Variants in HTR6 observed in about 807,000 individuals in gnomAD.
The protein encoded by HTR6 is 5-hydroxytryptamine receptor 6, also known as 5-hydroxytryptamine (serotonin) receptor 6, G protein-coupled.
Under a neutral mutation model 17.4 loss-of-function variants are expected in HTR6, and 15 were observed. The ratio of observed to expected loss-of-function variants is 0.86; its 90% CI spans 0.58 to 1.33. The LOEUF (loss-of-function observed/expected upper bound fraction) is 1.33. HTR6 is among the 40% of genes most tolerant of loss of function. The pLI is 0.00. For missense variants in HTR6, 578 were observed against 616.0 expected, an observed-to-expected ratio of 0.94 and a Z score of 0.65; for synonymous variants, 326 against 295.5, an observed-to-expected ratio of 1.10 and a Z score of -1.06.
Position 19,678,922 on chromosome 1 carries a change from G to C in HTR6, c.877G>C (p.Val293Leu). 1 of 1,597,966 alleles carries C rather than the reference G, an allele frequency of 6.3e-7. No homozygotes were observed. Among genetic ancestry groups the C allele is most frequent in the Non-Finnish European group, 8.6e-7 (1 of 1,168,662 alleles). ...PFFVANIVQA[V>L]CDCISPGLFD... ...ATGATGCATCCCCTCCCCCCAGGCCGTGTGCGACTGCATCTCCCCAGGCCT... is the reference window on the plus strand; with the variant it reads ...ATGATGCATCCCCTCCCCCCAGGCCCTGTGCGACTGCATCTCCCCAGGCCT... The change falls in exon 3 of 3, where the codon GTG becomes CTG. Residue 293 changes from valine to leucine, a missense_variant. Transcript: ENST00000289753.
intron 1 of HTR6, among the ~76,000 whole-genome samples, chr1:19,678,015 C>T (rs2095096412): frequency 6.6e-6 from 1 of 152,220 alleles, no homozygotes; most frequent in African/African-American, 2.4e-5. Context: ...GCTGGGATTA[C>T]AGGCGTGAGC....
intron 1 of HTR6, among the ~76,000 whole-genome samples, chr1:19,671,255 T>C (rs1260060021): frequency 1.3e-5 from 2 of 152,154 alleles, no homozygotes; most frequent in Non-Finnish European, 2.9e-5. Flanking sequence ...GGGGTCTTCA[T>C]GGGTTGGTTA....
At position 19,665,664 on chromosome 1, in the gene HTR6, G is replaced by A. The variant is rs567986474; in HGVS notation, c.-90G>A. On this transcript the variant is annotated 5_prime_UTR_variant, in exon 1 of 3. Transcript: ENST00000289753. This position sits in a 1 kb window ranked among gnomAD's most constrained non-coding sequence, Gnocchi z 4.2. ...GTGGTGAGTCGCGGTCTGTTCTCACGGACGGTCCCCGTCCAGCCTGCGCTT... is the reference window on the plus strand; with the variant it reads ...GTGGTGAGTCGCGGTCTGTTCTCACAGACGGTCCCCGTCCAGCCTGCGCTT... 3 of 882,470 alleles carry A rather than the reference G, an allele frequency of 3.4e-6. No individual in the cohort carries two copies. The highest frequency in any genetic ancestry group is 4.0e-5 in the South Asian group (2 of 49,870). The allele number at this position is 882,470 out of a possible 1,614,324, so 54.7% of individuals were successfully genotyped here.
chr1:19,672,168 C>T (rs2095089039), intron 1 of HTR6, among the ~76,000 whole-genome samples: 1 of 151,828 alleles, frequency 6.6e-6, no homozygotes, highest in African/African-American at 2.4e-5. Context: ...TTCTGGGTCT[C>T]TGTGGTCCAT....
At chr1:19,675,705 G>A (rs758662005) in intron 1 of HTR6, among the ~76,000 whole-genome samples, 6 of 152,008 alleles carry the variant, frequency 3.9e-5, no homozygotes, top group Non-Finnish European at 7.4e-5. Context: ...GGTCACTAAG[G>A]GTCAGAGCGA....
At position 19,665,172 on chromosome 1, in the gene HTR6, C is replaced by T. The variant is rs970049235; in HGVS notation, c.-582C>T. ...GCCGCACAGGCCGTGTGCGCCGGAT[C>T]CCGGTGCCTCCGCGCCAGCTGAGAC... is the stretch of plus-strand genomic sequence containing the variant. On this transcript the variant is annotated 5_prime_UTR_variant, in exon 1 of 3. Coordinates refer to ENST00000289753, the MANE Select transcript of HTR6 (RefSeq NM_000871.3). The surrounding 1 kb of genome is among the most constrained non-coding windows in gnomAD (Gnocchi z 4.2). The T allele has an allele frequency of 6.6e-6, 1 of 151,996 alleles. No individual in the cohort carries two copies. Among genetic ancestry groups the T allele is most frequent in the South Asian group, 2.1e-4 (1 of 4,836 alleles). 9.4% of individuals were successfully genotyped at this position (151,996 alleles called of 1,614,324 possible). A position where few individuals can be genotyped will look rare whatever the true frequency, so the allele number is the denominator to read the frequency against.
rs201559988 is a variant in HTR6 at position 19,666,270 on chromosome 1, C to G, written c.517C>G (p.Arg173Gly). Residue 173 changes from arginine (R) to glycine (G), a missense_variant, in exon 1 of 3, where the codon CGG (arginine) becomes GGG (glycine). By Grantham distance (125) the Arg-to-Gly change is moderately radical. Transcript: ENST00000289753. The surrounding 1 kb of genome is among the most constrained non-coding windows in gnomAD (Gnocchi z 4.5). ...GGGCTGGCACGAGCTGGGCCACGCACGGCCACCCGTCCCTGGCCAGTGCCG... is the reference window on the plus strand; with the variant it reads ...GGGCTGGCACGAGCTGGGCCACGCAGGGCCACCCGTCCCTGGCCAGTGCCG... ...LLGWHELGHARPPVPGQCRLL... is the reference protein window; with the variant it reads ...LLGWHELGHAGPPVPGQCRLL... 1 of 1,610,394 alleles carries G rather than the reference C, an allele frequency of 6.2e-7. No individual in the cohort carries two copies. Among genetic ancestry groups the G allele is most frequent in the Non-Finnish European group, 8.5e-7 (1 of 1,179,708 alleles).
In HTR6 at chr1:19,666,884, C is replaced by T. The variant is rs1459004756; in HGVS notation, c.714+417C>T. Among the ~76,000 whole-genome samples, 4 of 152,072 alleles carry T rather than the reference C, an allele frequency of 2.6e-5. No individual in the cohort carries two copies. The highest frequency in any genetic ancestry group is 5.9e-5 in the Non-Finnish European group (4 of 68,018). Reference sequence around the variant, plus strand: ...TGCCATCTCCCCTGCCACTTCCTACCGGGGAGGCTGTGTAGACTTCTCCTG... The same window carrying T: ...TGCCATCTCCCCTGCCACTTCCTACTGGGGAGGCTGTGTAGACTTCTCCTG... On this transcript the variant is annotated intron_variant, in intron 1 of 2. Coordinates refer to ENST00000289753, the MANE Select transcript of HTR6 (RefSeq NM_000871.3). This position sits in a 1 kb window ranked among gnomAD's most constrained non-coding sequence, Gnocchi z 4.5.
At position 19,679,328 on chromosome 1, in the gene HTR6, C is replaced by T. The variant is rs768364698; in HGVS notation, c.1283C>T (p.Pro428Leu). The T allele has an allele frequency of 6.2e-7, 1 of 1,602,022 alleles. No individual in the cohort carries two copies. Among genetic ancestry groups the T allele is most frequent in the Admixed American group, 1.7e-5 (1 of 59,600 alleles). Reference sequence around the variant, plus strand: ...TTCTTCAACATCGACCCCGCGGAGCCCGAGCTGCGGCCGCATCCACTTGGC... The same window carrying T: ...TTCTTCAACATCGACCCCGCGGAGCTCGAGCTGCGGCCGCATCCACTTGGC... ...VNFFNIDPAE[P>L]ELRPHPLGIP... The change falls in exon 3 of 3, where the codon CCC becomes CTC. Residue 428 changes from proline (P) to leucine (L), a missense_variant. By Grantham distance (98) the Pro-to-Leu change is moderately conservative (BLOSUM62 -3). Transcript: ENST00000289753. The surrounding 1 kb of genome is among the most constrained non-coding windows in gnomAD (Gnocchi z 4.9).
intron 1 of HTR6, among the ~76,000 whole-genome samples, chr1:19,673,884 T>C (rs1158195972): frequency 5.3e-4 from 75 of 142,226 alleles, no homozygotes; most frequent in African/African-American, 1.8e-3. Flanking sequence ...TTTTTTCTGT[T>C]AGGACAGAGT....
Position 19,678,906 on chromosome 1 carries a change from C to A in HTR6, c.874-13C>A. 6.3e-7 allele frequency: 1 copy of A among 1,580,082 alleles called. No homozygotes were observed. The highest frequency in any genetic ancestry group is 1.2e-5 in the South Asian group (1 of 85,680). Reference sequence around the variant, plus strand: ...TGCCCTGGGACCAGGCATGATGCATCCCCTCCCCCCAGGCCGTGTGCGACT... The same window carrying A: ...TGCCCTGGGACCAGGCATGATGCATACCCTCCCCCCAGGCCGTGTGCGACT... On this transcript the variant is annotated splice_polypyrimidine_tract_variant and intron_variant, in intron 2 of 2. Coordinates refer to ENST00000289753, the MANE Select transcript of HTR6 (RefSeq NM_000871.3).
intron 1 of HTR6, among the ~76,000 whole-genome samples, chr1:19,677,481 T>A (rs1171154411): frequency 6.6e-6 from 1 of 152,188 alleles, no homozygotes; most frequent in Non-Finnish European, 1.5e-5. Context: ...TGGAGATGCC[T>A]GCCAGTTCGC....
intron 1 of HTR6, among the ~76,000 whole-genome samples, chr1:19,678,366 G>T (rs1166114514): frequency 6.6e-6 from 1 of 151,772 alleles, no homozygotes; most frequent in Non-Finnish European, 1.5e-5. Context: ...TTGGTTTATT[G>T]CTGATGTCAG....
At chr1:19,676,124 C>G (rs1262773471) in intron 1 of HTR6, among the ~76,000 whole-genome samples, 1 of 152,132 alleles carries the variant, frequency 6.6e-6, no homozygotes, top group East Asian at 1.9e-4. Context: ...CAAAATCACC[C>G]CAACCTCACA....
At chr1:19,677,124 C>A (rs1221820260) in intron 1 of HTR6, among the ~76,000 whole-genome samples, 1 of 152,146 alleles carries the variant, frequency 6.6e-6, no homozygotes, top group Non-Finnish European at 1.5e-5. Context: ...ACTTCAAGGT[C>A]ATCTCTGAAC....
At chr1:19,675,214 C>T (rs2095092785) in intron 1 of HTR6, among the ~76,000 whole-genome samples, 1 of 152,184 alleles carries the variant, frequency 6.6e-6, no homozygotes, top group Non-Finnish European at 1.5e-5. Flanking sequence ...TCTGGCAAGT[C>T]ATTTTGCCTC....
intron 2 of HTR6, 53 bp downstream of exon 2, chr1:19,678,778 G>A: frequency 6.3e-7 from 1 of 1,578,118 alleles, no homozygotes; most frequent in Non-Finnish European, 8.6e-7. Flanking sequence ...AGAGGCCCTG[G>A]ATCCCAGCCC....
In HTR6 at chr1:19,665,892, C is replaced by G; in HGVS notation, c.139C>G (p.Leu47Val). ...IALTAAANSLLIALICTQPAL... is the reference protein window; with the variant it reads ...IALTAAANSLVIALICTQPAL... ...GCTGACGGCGGCGGCCAACTCGCTGCTGATCGCGCTCATCTGCACTCAGCC... is the reference window on the plus strand; with the variant it reads ...GCTGACGGCGGCGGCCAACTCGCTGGTGATCGCGCTCATCTGCACTCAGCC... The change falls in exon 1 of 3, where the codon CTG becomes GTG. Residue 47 changes from leucine (L) to valine (V), a missense_variant. Physicochemically the swap from Leu to Val is conservative, Grantham distance 32. Transcript: ENST00000289753. The surrounding 1 kb of genome is among the most constrained non-coding windows in gnomAD (Gnocchi z 4.2). The G allele has an allele frequency of 6.2e-7, 1 of 1,610,512 alleles. No homozygotes were observed. Among genetic ancestry groups the G allele is most frequent in the Admixed American group, 1.7e-5 (1 of 59,758 alleles).
Position 19,679,457 on chromosome 1 carries a change from G to T in HTR6, c.*89G>T. On this transcript the variant is annotated 3_prime_UTR_variant, in exon 3 of 3. Coordinates refer to ENST00000289753, the MANE Select transcript of HTR6 (RefSeq NM_000871.3). This position sits in a 1 kb window ranked among gnomAD's most constrained non-coding sequence, Gnocchi z 4.9. ...GCCAGCTCTTGGCTAAGACCAGGAG[G>T]CTGCAAGTCTCCTAGAAGCCCTCTG... 7.0e-7 allele frequency: 1 copy of T among 1,438,802 alleles called. No individual in the cohort carries two copies. The highest frequency in any genetic ancestry group is 1.5e-5 in the South Asian group (1 of 68,350). The allele number at this position is 1,438,802 out of a possible 1,614,324, so 89.1% of individuals were successfully genotyped here.
Sources: gnomAD v4.1 joint callset for allele counts (sites outside exome capture counted in the v4.1 genomes callset) on GRCh38, gnomAD v4.1.1 for gene constraint, Gnocchi (gnomAD v3.1) non-coding constraint, MANE v1.5 for transcripts, NCBI Gene and HGNC (gene_info 2026-07-23, HGNC 2026-07-21) for gene names.